Variants in AMY2B observed in about 807,000 individuals in gnomAD.
The protein encoded by AMY2B is amylase alpha 2B, also known as alpha-amylase 2B.
A neutral mutation model predicts 59.3 loss-of-function variants in AMY2B; 63 were observed. That is an observed-to-expected ratio of 1.06 (90% CI 0.87 to 1.31). The LOEUF (loss-of-function observed/expected upper bound fraction) is 1.31, where lower values mean the gene tolerates loss of function less well. Among genes scored for constraint, AMY2B ranks in the 50% most tolerant of loss-of-function variants. The probability of loss-of-function intolerance (pLI) is 0.00; values close to 1 mark genes in which losing one functional copy is unlikely to be tolerated. For synonymous variants in AMY2B, 180 were observed against 198.1 expected (o/e 0.91, Z 0.77); for missense variants, 635 against 626.7 (o/e 1.01, Z -0.14).
chr1:103,577,263 G>GATAACA (rs1652395384), intron 7 of AMY2B: 3 of 897,440 alleles, frequency 3.3e-6, no homozygotes, highest in East Asian at 5.5e-5. Flanking sequence ...AAAAGGAGAG[G>GATAACA]ATAACAATTT....
chr1:103,572,392 TA>T, intron 2 of AMY2B, 136 bp downstream of exon 2: 1 of 1,443,594 alleles, frequency 6.9e-7, no homozygotes, highest in Non-Finnish European at 9.2e-7. Flanking sequence ...AACTCAAAAT[TA>T]ACCGTTGCCT....
chr1:103,570,250 T>C (rs1652067029), upstream of AMY2B: 6 of 539,504 alleles, frequency 1.1e-5, no homozygotes, highest in South Asian at 9.2e-5. Context: ...CACATCCTCC[T>C]CCTCCCTGGA....
upstream of AMY2B, chr1:103,571,401 C>A: frequency 8.0e-7 from 1 of 1,246,104 alleles, no homozygotes; most frequent in Non-Finnish European, 1.1e-6. Flanking sequence ...ACATTAATTT[C>A]TAAAAGGTCA....
upstream of AMY2B, chr1:103,569,224 C>G (rs1424105806): frequency 6.6e-6 from 1 of 151,796 alleles, no homozygotes; most frequent in Non-Finnish European, 1.5e-5. Context: ...GGGACACAGC[C>G]AAACCATACA....
chr1:103,563,199 T>C (rs1356395158), intron 1 of AMY2B, among the ~76,000 whole-genome samples: 1 of 152,128 alleles, frequency 6.6e-6, no homozygotes, highest in East Asian at 1.9e-4. Context: ...CGTCAGGATA[T>C]TATCAAATGT....
rs1308178661 is a variant in AMY2B at position 103,575,106 on chromosome 1, T to C, written c.879-117T>C. 2.1e-6 allele frequency: 3 copies of C among 1,403,450 alleles called. No homozygotes were observed. In the African/African-American group the frequency reaches 4.3e-5, roughly 20 times the overall value. The allele number at this position is 1,403,450 out of a possible 1,614,324, so 86.9% of individuals were successfully genotyped here. On this transcript the variant is annotated intron_variant, in intron 5 of 9. Coordinates refer to ENST00000684275, the MANE Select transcript of AMY2B (RefSeq NM_001387437.1). The stretch of plus-strand genomic sequence containing the variant: ...TATATCTTACAGAATAACCATTTAA[T>C]TAGAGAAAGAATTTAATCTTCAGAT...
chr1:103,569,660 GC>G, upstream of AMY2B: 20 of 387,040 alleles, frequency 5.2e-5, no homozygotes, highest in Non-Finnish European at 7.8e-5. Flanking sequence ...CATCATCGGT[GC>G]CCCCGGCACC....
intron 1 of AMY2B, among the ~76,000 whole-genome samples, chr1:103,556,149 G>A (rs1651539994): frequency 6.6e-6 from 1 of 152,120 alleles, no homozygotes; most frequent in Non-Finnish European, 1.5e-5. Flanking sequence ...ATGTAAAATG[G>A]GTATCCAGGA....
At chr1:103,554,945 T>A (rs1325238069) in exon 1 of AMY2B, 1 of 152,210 alleles carries the variant, frequency 6.6e-6, no homozygotes, top group Non-Finnish European at 1.5e-5. Flanking sequence ...ACTAATTTTC[T>A]AAATATAAAT....
At chr1:103,571,405 A>G, upstream of AMY2B, 5 of 1,260,484 alleles carry the variant, frequency 4.0e-6, no homozygotes, top group South Asian at 6.2e-5. Context: ...TAATTTCTAA[A>G]AGGTCATTTA....
chr1:103,573,376 T>C (rs2101074377), intron 3 of AMY2B, 116 bp downstream of exon 3: 1 of 1,534,608 alleles, frequency 6.5e-7, no homozygotes, highest in Non-Finnish European at 8.8e-7. Flanking sequence ...GGGACACAGG[T>C]TAACAGGTTT....
chr1:103,562,389 TTTTC>T (rs1290511053), intron 1 of AMY2B, among the ~76,000 whole-genome samples: 1 of 152,210 alleles, frequency 6.6e-6, no homozygotes, highest in Non-Finnish European at 1.5e-5. Flanking sequence ...TTCAGGTTTA[TTTTC>T]TTTCTTATTT....
intron 1 of AMY2B, among the ~76,000 whole-genome samples, chr1:103,558,801 C>T (rs1465340338): frequency 6.6e-6 from 1 of 150,550 alleles, no homozygotes; most frequent in East Asian, 1.9e-4. Context: ...TACATTTTTC[C>T]TCTGTCTCTC....
chr1:103,570,129 TACC>T (rs1652061815), upstream of AMY2B: 1 of 445,766 alleles, frequency 2.2e-6, no homozygotes, highest in Non-Finnish European at 4.5e-6. Context: ...TGAAGATCCT[TACC>T]AAGGTTGGCT....
At chr1:103,572,009 A>G (rs188678015) in intron 1 of AMY2B, 101 bp from the exon 2 acceptor site, 2 of 1,580,596 alleles carry the variant, frequency 1.3e-6, no homozygotes, top group Admixed American at 1.8e-5. Flanking sequence ...ATAGCTGCAT[A>G]TACCAAGATT....
At chr1:103,574,449 C>G in intron 5 of AMY2B, 56 bp downstream of exon 5, 1 of 1,606,330 alleles carries the variant, frequency 6.2e-7, no homozygotes, top group Non-Finnish European at 8.5e-7. Flanking sequence ...AGTCATAGTA[C>G]CCCAGTGTGA....
At position 103,573,840 on chromosome 1, in the gene AMY2B, C is replaced by A; in HGVS notation, c.646C>A (p.His216Asn). Reference sequence around the variant, plus strand: ...AGGGTTCAGACTTGATGCTTCCAAGCACATGTGGCCTGGAGACATAAAGGC... The same window carrying A: ...AGGGTTCAGACTTGATGCTTCCAAGAACATGTGGCCTGGAGACATAAAGGC... ...VAGFRLDASKHMWPGDIKAIL... is the reference protein window; with the variant it reads ...VAGFRLDASKNMWPGDIKAIL... Residue 216 changes from histidine (H) to asparagine (N), a missense_variant, in exon 4 of 10, where the codon CAC (histidine) becomes AAC (asparagine). Transcript: ENST00000684275. 6.2e-7 allele frequency: 1 copy of A among 1,613,826 alleles called. No individual in the cohort carries two copies. Among genetic ancestry groups the A allele is most frequent in the Admixed American group, 1.7e-5 (1 of 60,002 alleles).
At position 103,579,529 on chromosome 1, in the gene AMY2B, A is replaced by G. The variant is rs765371385; in HGVS notation, c.*29A>G. 2 of 1,601,224 alleles carry G rather than the reference A, an allele frequency of 1.2e-6. No individual in the cohort carries two copies. The highest frequency in any genetic ancestry group is 3.4e-5 in the Admixed American group (2 of 58,052). Reference sequence around the variant, plus strand: ...TTAAAATTAAATGCATATCCTCAAAACAATAGCCAAGTGTGTTTCTTTTCT... The same window carrying G: ...TTAAAATTAAATGCATATCCTCAAAGCAATAGCCAAGTGTGTTTCTTTTCT... On this transcript the variant is annotated 3_prime_UTR_variant, in exon 10 of 10. Transcript: ENST00000684275.
chr1:103,572,958 T>G, intron 2 of AMY2B, 105 bp from the exon 3 acceptor site: 1 of 1,591,090 alleles, frequency 6.3e-7, no homozygotes, highest in Non-Finnish European at 8.6e-7. Flanking sequence ...TAAGATATCA[T>G]GAAATATTTT....
Sources: allele counts gnomAD v4.1 joint callset (sites outside exome capture counted in the v4.1 genomes callset), GRCh38; gene constraint gnomAD v4.1.1; transcripts MANE v1.5; gene names NCBI Gene and HGNC (gene_info 2026-07-23, HGNC 2026-07-21).